CCDC91: variants seen among roughly 807,000 people sequenced by gnomAD.
The protein encoded by CCDC91 is coiled-coil domain-containing protein 91.
In CCDC91, 48 loss-of-function variants were observed where a neutral mutation model predicts 63.2. The ratio of observed to expected loss-of-function variants is 0.76; its 90% CI spans 0.60 to 0.97. CCDC91 has a LOEUF of 0.97. Among genes scored for constraint, CCDC91 ranks in the 50% least tolerant of loss-of-function variants. The probability of loss-of-function intolerance (pLI) is 0.00; values close to 1 mark genes in which losing one functional copy is unlikely to be tolerated. For missense variants in CCDC91, 500 were observed against 494.6 expected (o/e 1.01, Z -0.10); for synonymous variants, 167 against 165.8 (o/e 1.01, Z -0.06).
At chr12:28,369,545 A>C (rs568446044) in intron 7 of CCDC91, among the ~76,000 whole-genome samples, 2 of 152,278 alleles carry the variant, frequency 1.3e-5, no homozygotes, top group Middle Eastern at 3.4e-3. Context: ...AGGATATACC[A>C]TTCTGGGGTC....
intron 12 of CCDC91, among the ~76,000 whole-genome samples, chr12:28,517,801 C>A (rs1204485644): frequency 6.6e-6 from 1 of 151,748 alleles, no homozygotes; most frequent in Non-Finnish European, 1.5e-5. Flanking sequence ...ACCCTTTCCC[C>A]CTGAGTCCCG....
At chr12:28,543,852 G>A (rs149726686) in intron 12 of CCDC91, among the ~76,000 whole-genome samples, 9 of 152,002 alleles carry the variant, frequency 5.9e-5, no homozygotes, top group East Asian at 1.9e-4. Flanking sequence ...TCAAAGAATC[G>A]CCTTTTATTT....
intron 12 of CCDC91, among the ~76,000 whole-genome samples, chr12:28,548,719 T>C (rs16932909): frequency 0.09 from 13,670 of 152,142 alleles, 1,891 homozygotes; most frequent in African/African-American, 0.3. Context: ...TTGTTACTTG[T>C]ATCTGTAATA....
chr12:28,467,781 TA>T (rs1950616452), intron 11 of CCDC91, among the ~76,000 whole-genome samples: 3 of 151,992 alleles, frequency 2.0e-5, no homozygotes, highest in African/African-American at 7.2e-5. Context: ...CAGAATGGAA[TA>T]AAACTAGAAA....
chr12:28,233,329 G>A (rs1944729740), intron 1 of CCDC91, among the ~76,000 whole-genome samples: 1 of 151,988 alleles, frequency 6.6e-6, no homozygotes, highest in Non-Finnish European at 1.5e-5. Flanking sequence ...ACTTCATATA[G>A]ATGAAATTTT....
intron 8 of CCDC91, among the ~76,000 whole-genome samples, chr12:28,398,115 CATCAACA>C (rs369439964): frequency 6.6e-5 from 10 of 152,196 alleles, no homozygotes; most frequent in African/African-American, 2.4e-4. Flanking sequence ...ATATATCTAT[CATCAACA>C]ATCAAGATAT....
At chr12:28,207,392 A>G (rs1243330314) in intron 1 of CCDC91, among the ~76,000 whole-genome samples, 3 of 152,200 alleles carry the variant, frequency 2.0e-5, no homozygotes, top group Non-Finnish European at 4.4e-5. Context: ...ATGGATGGCA[A>G]GGGCAGTCTT....
intron 8 of CCDC91, among the ~76,000 whole-genome samples, chr12:28,407,121 T>C (rs1286491425): frequency 6.6e-6 from 1 of 152,188 alleles, no homozygotes; most frequent in African/African-American, 2.4e-5. Context: ...GCTTTTACGA[T>C]GTGATGTGCT....
intron 1 of CCDC91, among the ~76,000 whole-genome samples, chr12:28,232,812 A>G (rs1273696779): frequency 6.6e-6 from 1 of 151,908 alleles, no homozygotes; most frequent in South Asian, 2.1e-4. Flanking sequence ...TCTTGTGTTA[A>G]AAATACCATT....
intron 6 of CCDC91, among the ~76,000 whole-genome samples, chr12:28,342,115 CAAAG>C (rs1942469646): frequency 6.6e-6 from 1 of 152,078 alleles, no homozygotes; most frequent in Non-Finnish European, 1.5e-5. Flanking sequence ...GTGAGAGACA[CAAAG>C]AAGCATGAGA....
At chr12:28,476,590 G>A (rs1335831336) in intron 11 of CCDC91, among the ~76,000 whole-genome samples, 2 of 152,048 alleles carry the variant, frequency 1.3e-5, no homozygotes, top group Admixed American at 6.6e-5. Context: ...ACATTCATAA[G>A]CTAGCAGAAG....
chr12:28,300,896 C>T (rs922219716), intron 3 of CCDC91, among the ~76,000 whole-genome samples: 5 of 151,552 alleles, frequency 3.3e-5, no homozygotes, highest in Non-Finnish European at 7.4e-5. Context: ...ATTACATTCT[C>T]TAAATGGTTA....
At chr12:28,519,196 ATTTG>A (rs1940303810) in intron 12 of CCDC91, among the ~76,000 whole-genome samples, 1 of 152,082 alleles carries the variant, frequency 6.6e-6, no homozygotes, top group African/African-American at 2.4e-5. Flanking sequence ...ATGTATTTCC[ATTTG>A]TTTGTGTAGT....
At chr12:28,408,923 G>A (rs1428766846) in intron 8 of CCDC91, among the ~76,000 whole-genome samples, 1 of 152,094 alleles carries the variant, frequency 6.6e-6, no homozygotes, top group Admixed American at 6.6e-5. Flanking sequence ...GATTACAGGG[G>A]TGAGTCACCA....
At chr12:28,192,751 CT>C (rs557911330) in intron 1 of CCDC91, among the ~76,000 whole-genome samples, 1 of 151,980 alleles carries the variant, frequency 6.6e-6, no homozygotes, top group East Asian at 1.9e-4. Flanking sequence ...GCATATGTTG[CT>C]TTTTTTAAAA....
chr12:28,286,050 T>C (rs1189273431), intron 3 of CCDC91, among the ~76,000 whole-genome samples: 2 of 151,948 alleles, frequency 1.3e-5, no homozygotes, highest in Non-Finnish European at 2.9e-5. Context: ...AGTTCTCAAA[T>C]CCAAGTTCTT....
intron 7 of CCDC91, among the ~76,000 whole-genome samples, chr12:28,390,393 C>T (rs779809098): frequency 1.3e-5 from 2 of 150,996 alleles, no homozygotes; most frequent in Non-Finnish European, 2.9e-5. Flanking sequence ...TTTAAACAGA[C>T]ATCTAAAAAT....
chr12:28,264,875 A>G (rs1181726128), intron 3 of CCDC91, among the ~76,000 whole-genome samples: 1 of 151,890 alleles, frequency 6.6e-6, no homozygotes, highest in Non-Finnish European at 1.5e-5. Flanking sequence ...TTGAAAATTT[A>G]CTGTGTTTCA....
intron 1 of CCDC91, among the ~76,000 whole-genome samples, chr12:28,245,703 GA>G (rs1945687639): frequency 1.3e-5 from 2 of 152,110 alleles, no homozygotes; most frequent in Non-Finnish European, 2.9e-5. Flanking sequence ...ACATATCATT[GA>G]TAATCATATG....
Sources: allele counts gnomAD v4.1 joint callset (sites outside exome capture counted in the v4.1 genomes callset), GRCh38; gene constraint gnomAD v4.1.1; transcripts MANE v1.5; gene names NCBI Gene and HGNC (gene_info 2026-07-23, HGNC 2026-07-21).